CSRNP1: variants seen among roughly 807,000 people sequenced by gnomAD.
CSRNP1 encodes cysteine and serine rich nuclear protein 1, also known as cysteine/serine-rich nuclear protein 1.
In CSRNP1, 8 loss-of-function variants were observed where a neutral mutation model predicts 25.0. The observed-to-expected ratio is 0.32, with a 90% confidence interval of 0.19 to 0.58. The LOEUF is 0.58. Among genes scored for constraint, CSRNP1 ranks in the 20% least tolerant of loss-of-function variants. The pLI, the probability that CSRNP1 is intolerant of heterozygous loss-of-function variation, is 0.88. For missense variants in CSRNP1, 691 were observed against 773.1 expected (o/e 0.89, Z 1.26); for synonymous variants, 305 against 303.1 (o/e 1.01, Z -0.06).
Position 39,143,378 on chromosome 3 carries a change from C to T in CSRNP1, c.1447G>A (p.Val483Met), listed in dbSNP as rs752439836. ...SREGSLPGTS[V>M]PPSMDAGRSS... The stretch of plus-strand genomic sequence containing the variant: ...CGGCCAGCGTCCATGCTGGGTGGCA[C>T]TGAGGTGCCAGGAAGGCTGCCTTCC... The change falls in exon 5 of 5, where the codon GTG becomes ATG. Residue 483 changes from valine (V) to methionine (M), a missense_variant. Physicochemically the swap from Val to Met is conservative, Grantham distance 21. Coordinates refer to ENST00000273153, the MANE Select transcript of CSRNP1 (RefSeq NM_033027.4). 2 of 1,614,170 alleles carry T rather than the reference C, an allele frequency of 1.2e-6. No homozygotes were observed. The highest frequency in any genetic ancestry group is 2.2e-5 in the South Asian group (2 of 91,080).
chr3:39,145,724 A>G (rs1457821618), intron 2 of CSRNP1, among the ~76,000 whole-genome samples: 9 of 152,268 alleles, frequency 5.9e-5, no homozygotes, highest in Non-Finnish European at 2.9e-5. Context: ...GAAATTCCAT[A>G]TATTTCAACT....
intron 2 of CSRNP1, among the ~76,000 whole-genome samples, chr3:39,145,952 G>A (rs1013087115): frequency 6.6e-6 from 1 of 152,106 alleles, no homozygotes; most frequent in Non-Finnish European, 1.5e-5. Flanking sequence ...AGGCTTCCTG[G>A]GGAACAATAA....
chr3:39,144,152 T>A lies in CSRNP1; in HGVS notation c.765A>T (p.Ala255=). 1 of 1,613,124 alleles carries A rather than the reference T, an allele frequency of 6.2e-7. No individual in the cohort carries two copies. Among genetic ancestry groups the A allele is most frequent in the Non-Finnish European group, 8.5e-7 (1 of 1,179,352 alleles). ...CDPETCSCSL[A]GIKCQMDHTA... Reference sequence around the variant, plus strand: ...GCCACCACACCTGGCACTTGATGCCTGCCAGGCTGCAGCTGCAGGTCTCAG... The same window carrying A: ...GCCACCACACCTGGCACTTGATGCCAGCCAGGCTGCAGCTGCAGGTCTCAG... Residue 255 remains alanine, a synonymous_variant, in exon 4 of 5, where the codon GCA becomes GCT. Coordinates refer to ENST00000273153, the MANE Select transcript of CSRNP1 (RefSeq NM_033027.4).
chr3:39,150,958 C>G (rs1004872791), intron 1 of CSRNP1: 3 of 152,232 alleles, frequency 2.0e-5, no homozygotes, highest in African/African-American at 7.2e-5. Flanking sequence ...TTCCTCTGTT[C>G]CACCTCGGAA....
rs779011156 is a variant in CSRNP1, at chr3:39,144,461, C to T, written c.466-10G>A. 8.2e-6 allele frequency: 13 copies of T among 1,592,882 alleles called. No homozygotes were observed. The highest frequency in any genetic ancestry group is 1.1e-5 in the Non-Finnish European group (13 of 1,170,228). On this transcript the variant is annotated splice_polypyrimidine_tract_variant and intron_variant, in intron 3 of 4. Coordinates refer to ENST00000273153, the MANE Select transcript of CSRNP1 (RefSeq NM_033027.4). Reference sequence around the variant, plus strand: ...CCCCAGCTGCCGAAAGCTGCATCCACAGGAAAGAGGGATGTAAGAAGCACA... The same window carrying T: ...CCCCAGCTGCCGAAAGCTGCATCCATAGGAAAGAGGGATGTAAGAAGCACA...
At chr3:39,147,241 G>A (rs6794332) in intron 1 of CSRNP1, among the ~76,000 whole-genome samples, 1 of 143,304 alleles carries the variant, frequency 7.0e-6, no homozygotes, top group Non-Finnish European at 1.5e-5. Flanking sequence ...GTGTGTATGT[G>A]TGTGTGTGTA....
chr3:39,151,053 G>A (rs1439429510), intron 1 of CSRNP1: 1 of 152,386 alleles, frequency 6.6e-6, no homozygotes, highest in African/African-American at 2.4e-5. Context: ...ATGAAACATA[G>A]TGAGAATCTA....
rs1178491369 is a variant in CSRNP1, at chr3:39,146,416, C to T, written c.205+62G>A. ...GCCAAAGGCATTTGGTCAGGGACTT[C>T]TAAATTTCATCTTTCAGGAAGGCAG... On this transcript the variant is annotated intron_variant, in intron 2 of 4. Transcript: ENST00000273153. 5 of 1,475,304 alleles carry T rather than the reference C, an allele frequency of 3.4e-6. No homozygotes were observed. The African/African-American group carries it at 7.1e-5, about 21-fold the overall frequency. The allele number at this position is 1,475,304 out of a possible 1,614,324, so 91.4% of individuals were successfully genotyped here.
At position 39,144,269 on chromosome 3, in the gene CSRNP1, C is replaced by T. The variant is rs1279175908; in HGVS notation, c.648G>A (p.Val216=). The T allele has an allele frequency of 6.2e-6, 10 of 1,614,208 alleles. No homozygotes were observed. The highest frequency in any genetic ancestry group is 8.5e-6 in the Non-Finnish European group (10 of 1,180,036). ...GCTTCTCCTCCCGATCGATCCTTCG[C>T]ACACCTGAAGCCCTCAGCAGAGCTC... ...RRRALLRASG[V]RRIDREEKRE... Residue 216 remains valine (V), a synonymous_variant, in exon 4 of 5, where the codon GTG becomes GTA. Coordinates refer to ENST00000273153, the MANE Select transcript of CSRNP1 (RefSeq NM_033027.4).
At chr3:39,146,743 C>G (rs1484065425) in intron 1 of CSRNP1, 21 bp from the exon 2 acceptor site, 14 of 1,534,754 alleles carry the variant, frequency 9.1e-6, no homozygotes, top group African/African-American at 4.1e-5. Context: ...AATGAGAAGG[C>G]TCTAAGTGGC....
rs772549453 is a variant in CSRNP1 at position 39,153,533 on chromosome 3, C to T, written c.-136G>A. 3.9e-5 allele frequency: 8 copies of T among 204,618 alleles called. No homozygotes were observed. The highest frequency in any genetic ancestry group is 3.7e-4 in the South Asian group (8 of 21,704). The allele number at this position is 204,618 out of a possible 1,614,324, so 12.7% of individuals were successfully genotyped here. A position where few individuals can be genotyped will look rare whatever the true frequency, so the allele number is the denominator to read the frequency against. ...GACTCTGTGCGCTCGGCCCGGCAGC[C>T]GTCGGTCCAGCCGCCCCTCGCTCTG... On this transcript the variant is annotated 5_prime_UTR_variant, in exon 1 of 5. Coordinates refer to ENST00000273153, the MANE Select transcript of CSRNP1 (RefSeq NM_033027.4).
Position 39,143,401 on chromosome 3 carries a change from T to TCC in CSRNP1, c.1422_1423dup (p.Glu475GlyfsTer94), listed in dbSNP as rs1013924222. 1 of 1,614,054 alleles carries TCC rather than the reference T, an allele frequency of 6.2e-7. No individual in the cohort carries two copies. The highest frequency in any genetic ancestry group is 8.5e-7 in the Non-Finnish European group (1 of 1,180,004). On this transcript the variant is annotated frameshift_variant, in exon 5 of 5. Coordinates refer to ENST00000273153, the MANE Select transcript of CSRNP1 (RefSeq NM_033027.4). LOFTEE classifies it low-confidence loss of function (END_TRUNC). ...CACTGAGGTGCCAGGAAGGCTGCCTTCCCTTGACCCTTCAAGGCCACCATT... is the reference window on the plus strand; with the variant it reads ...CACTGAGGTGCCAGGAAGGCTGCCTTCCCCCTTGACCCTTCAAGGCCACCATT...
At chr3:39,144,548 C>T in intron 3 of CSRNP1, 97 bp from the exon 4 acceptor site, 1 of 1,184,690 alleles carries the variant, frequency 8.4e-7, no homozygotes, top group Non-Finnish European at 1.2e-6. Flanking sequence ...GCTTACCCCC[C>T]CACTACTCGT....
upstream of CSRNP1, chr3:39,153,773 C>T (rs1183080621): frequency 6.6e-6 from 1 of 151,322 alleles, no homozygotes; most frequent in Non-Finnish European, 1.5e-5. Context: ...CGGACTGTGA[C>T]CCGGCGACTG....
rs2039515214 is a variant in CSRNP1, at chr3:39,146,539, T to G, written c.144A>C (p.Glu48Asp). The change falls in exon 2 of 5, where the codon GAA becomes GAC. Residue 48 changes from glutamate to aspartate, a missense_variant. Coordinates refer to ENST00000273153, the MANE Select transcript of CSRNP1 (RefSeq NM_033027.4). ...SVSRAWDSEEEGPWDQMPLPD... is the reference protein window; with the variant it reads ...SVSRAWDSEEDGPWDQMPLPD... ...GCAGGGGCATCTGATCCCAGGGGCC[T>G]TCCTCCTCTGAGTCCCAGGCACGGG... is the stretch of plus-strand genomic sequence containing the variant. The G allele has an allele frequency of 2.6e-6, 4 of 1,551,714 alleles. No individual in the cohort carries two copies. In the East Asian group the frequency reaches 7.3e-5, roughly 28 times the overall value.
intron 4 of CSRNP1, 21 bp downstream of exon 4, chr3:39,144,116 A>G: frequency 6.2e-7 from 1 of 1,609,270 alleles, no homozygotes; most frequent in Non-Finnish European, 8.5e-7. Flanking sequence ...CAGGATCCCC[A>G]TCCCAGTCCA....
At chr3:39,150,062 A>G (rs920500239) in intron 1 of CSRNP1, 2 of 152,332 alleles carry the variant, frequency 1.3e-5, no homozygotes, top group Middle Eastern at 3.4e-3. Flanking sequence ...GTGAGCTCAG[A>G]CCCAGCAAGA....
rs893822078 is a variant in CSRNP1 at position 39,153,572 on chromosome 3, G to A, written c.-175C>T. ...CCCCTCGCTCTGCGCGTCCGGCAGC[G>A]GCGGCGGCGGCGGGAGACTGCCTGC... On this transcript the variant is annotated 5_prime_UTR_variant, in exon 1 of 5. Coordinates refer to ENST00000273153, the MANE Select transcript of CSRNP1 (RefSeq NM_033027.4). 4 of 152,972 alleles carry A rather than the reference G, an allele frequency of 2.6e-5. No individual in the cohort carries two copies. The highest frequency in any genetic ancestry group is 2.0e-4 in the South Asian group (1 of 5,116). 9.5% of individuals were successfully genotyped at this position (152,972 alleles called of 1,614,324 possible). A position where few individuals can be genotyped will look rare whatever the true frequency, so the allele number is the denominator to read the frequency against.
chr3:39,144,059 A>C lies in CSRNP1; in HGVS notation c.781-15T>G, dbSNP rs755640703. 1.2e-6 allele frequency: 2 copies of C among 1,609,098 alleles called. No homozygotes were observed. The highest frequency in any genetic ancestry group is 3.3e-5 in the Admixed American group (2 of 59,950). ...GTGTGGTCCATCTGCAGAGAAAAGT[A>C]GAGGTACAAGTGAGGGTTCTGTGGA... On this transcript the variant is annotated splice_polypyrimidine_tract_variant and intron_variant, in intron 4 of 4. Coordinates refer to ENST00000273153, the MANE Select transcript of CSRNP1 (RefSeq NM_033027.4).
Sources: allele counts gnomAD v4.1 joint callset (sites outside exome capture counted in the v4.1 genomes callset), GRCh38; gene constraint gnomAD v4.1.1; transcripts MANE v1.5; gene names NCBI Gene and HGNC (gene_info 2026-07-23, HGNC 2026-07-21).